Variants in SORCS1 observed in about 807,000 individuals in gnomAD.
SORCS1 encodes VPS10 domain-containing receptor SorCS1.
Under a neutral mutation model 146.1 loss-of-function variants are expected in SORCS1, and 60 were observed. The ratio of observed to expected loss-of-function variants is 0.41; its 90% confidence interval spans 0.33 to 0.51. SORCS1 has a LOEUF of 0.51. Among genes scored for constraint, SORCS1 ranks in the 20% least tolerant of loss-of-function variants. The pLI is 0.21. For synonymous variants in SORCS1, 637 were observed against 584.0 expected, an observed-to-expected ratio of 1.09 and a Z score of -1.31; for missense variants, 1,352 against 1,487.6, an observed-to-expected ratio of 0.91 and a Z score of 1.50.
intron 3 of SORCS1, among the ~76,000 whole-genome samples, chr10:106,801,809 C>T (rs1364291736): frequency 6.6e-6 from 1 of 152,224 alleles, no homozygotes; most frequent in Non-Finnish European, 1.5e-5. Flanking sequence ...GGATTACAGG[C>T]GTGAGCCACC....
Position 106,703,017 on chromosome 10 carries a change from A to G in SORCS1, c.1233+3528T>C, listed in dbSNP as rs189488072. ...GTTCTAAACCTTCAACACACCAGTG[A>G]GCTACTGTTACTCTCTAGGCAAGAA... On this transcript the variant is annotated intron_variant, in intron 8 of 25. Transcript: ENST00000263054. Among the ~76,000 whole-genome samples the G allele has an allele frequency of 2.8e-4, 43 of 152,316 alleles. 1 individual carries two copies. The East Asian group carries it at 7.9e-3, about 28-fold the overall frequency.
chr10:107,161,586 G>A (rs73385491), intron 1 of SORCS1, among the ~76,000 whole-genome samples: 5,618 of 151,930 alleles, frequency 0.037, 332 homozygotes, highest in African/African-American at 0.13. Context: ...CTTTAGAGAT[G>A]AAAAAATCCA....
chr10:106,995,999 C>A (rs917566296), intron 1 of SORCS1, among the ~76,000 whole-genome samples: 2 of 151,910 alleles, frequency 1.3e-5, no homozygotes, highest in South Asian at 2.1e-4. Context: ...GAGGCCGAAG[C>A]GGGTAGATCA....
intron 1 of SORCS1, among the ~76,000 whole-genome samples, chr10:107,099,162 G>A (rs1396779403): frequency 2.0e-5 from 3 of 152,210 alleles, no homozygotes; most frequent in Admixed American, 6.5e-5. Context: ...GAGTAGTAAA[G>A]TTGGGTTCAG....
At chr10:107,006,070 CTTTA>C (rs1466390357) in intron 1 of SORCS1, among the ~76,000 whole-genome samples, 2 of 152,186 alleles carry the variant, frequency 1.3e-5, no homozygotes, top group African/African-American at 2.4e-5. Flanking sequence ...AGCACAGCAG[CTTTA>C]TTTCTTTATG....
At chr10:106,677,565 T>C (rs2135537701) in intron 12 of SORCS1, among the ~76,000 whole-genome samples, 161 bp from the exon 13 acceptor site, 1 of 152,310 alleles carries the variant, frequency 6.6e-6, no homozygotes, top group Middle Eastern at 3.4e-3. Flanking sequence ...CTTCCCAACA[T>C]GGGCTATTAT....
At chr10:106,707,383 G>A (rs898064922) in intron 7 of SORCS1, among the ~76,000 whole-genome samples, 20 of 151,752 alleles carry the variant, frequency 1.3e-4, no homozygotes, top group African/African-American at 7.3e-5. Flanking sequence ...TAGAGATGGT[G>A]GGGGGGAGGG....
At chr10:107,156,314 G>A (rs1969279095) in intron 1 of SORCS1, among the ~76,000 whole-genome samples, 1 of 152,186 alleles carries the variant, frequency 6.6e-6, no homozygotes, top group Non-Finnish European at 1.5e-5. Flanking sequence ...TCTGCCACCT[G>A]CTAGCTGGGT....
intron 18 of SORCS1, among the ~76,000 whole-genome samples, chr10:106,629,826 A>G (rs1031372731): frequency 2.6e-5 from 4 of 152,312 alleles, no homozygotes; most frequent in Non-Finnish European, 5.9e-5. Flanking sequence ...CAGGCAGATC[A>G]CAAGGTCAAG....
chr10:106,993,551 C>A (rs11193149), intron 1 of SORCS1, among the ~76,000 whole-genome samples: 62,344 of 151,908 alleles, frequency 0.41, 15,188 homozygotes, highest in African/African-American at 0.69. Context: ...CTTTTAAAAA[C>A]TTATTTTCTT....
chr10:106,903,051 C>A (rs1326348783), intron 2 of SORCS1, among the ~76,000 whole-genome samples: 1 of 152,162 alleles, frequency 6.6e-6, no homozygotes, highest in Non-Finnish European at 1.5e-5. Flanking sequence ...GCACTCCATC[C>A]TGTGTGACAG....
intron 1 of SORCS1, among the ~76,000 whole-genome samples, chr10:106,969,778 G>C (rs959846901): frequency 1.1e-4 from 16 of 152,096 alleles, no homozygotes; most frequent in Admixed American, 5.2e-4. Flanking sequence ...TCTCCACCTG[G>C]AACAATCGAC....
chr10:106,583,983 C>G (rs1845075205), intron 24 of SORCS1, among the ~76,000 whole-genome samples: 1 of 152,188 alleles, frequency 6.6e-6, no homozygotes, highest in Non-Finnish European at 1.5e-5. Flanking sequence ...GACCCCGAAA[C>G]TTTCAACTCT....
At chr10:107,142,438 A>G (rs1348493866) in intron 1 of SORCS1, among the ~76,000 whole-genome samples, 1 of 152,230 alleles carries the variant, frequency 6.6e-6, no homozygotes, top group Non-Finnish European at 1.5e-5. Context: ...CTTCTCAAGT[A>G]CTAGTGTGAG....
rs146866027 is a variant in SORCS1 at position 107,086,575 on chromosome 10, T to C, written c.558+77394A>G. Among the ~76,000 whole-genome samples the C allele has an allele frequency of 1.7e-3, 258 of 152,380 alleles. 2 individuals carry two copies. Among genetic ancestry groups the C allele is most frequent in the African/African-American group, 5.4e-3 (223 of 41,592 alleles). ...CTTCGCCATTTATAGCTGTGGACTT[T>C]AGGCACATCTGAATTATCTCTTGGG... On this transcript the variant is annotated intron_variant, in intron 1 of 25. Coordinates refer to ENST00000263054, the MANE Select transcript of SORCS1 (RefSeq NM_052918.5).
At chr10:106,784,513 G>A (rs1945963632) in intron 3 of SORCS1, among the ~76,000 whole-genome samples, 3 of 151,776 alleles carry the variant, frequency 2.0e-5, no homozygotes, top group African/African-American at 2.4e-5. Flanking sequence ...GAGAATATTT[G>A]AGCCACCTTA....
At chr10:106,907,947 T>TCCC (rs1301483945) in intron 2 of SORCS1, among the ~76,000 whole-genome samples, 2 of 151,974 alleles carry the variant, frequency 1.3e-5, no homozygotes, top group East Asian at 3.9e-4. Context: ...AATACTGAAA[T>TCCC]TACTTTCTTG....
intron 1 of SORCS1, among the ~76,000 whole-genome samples, chr10:107,044,085 T>C (rs937974286): frequency 6.6e-6 from 1 of 152,144 alleles, no homozygotes; most frequent in African/African-American, 2.4e-5. Context: ...CTCTTCTCTA[T>C]CCTGCTGGAA....
chr10:106,834,418 T>C (rs564629668), intron 2 of SORCS1, among the ~76,000 whole-genome samples: 1 of 152,372 alleles, frequency 6.6e-6, no homozygotes, highest in South Asian at 2.1e-4. Flanking sequence ...TAATATACAT[T>C]GAACCTCTTA....
Sources: gnomAD v4.1 joint callset for allele counts (sites outside exome capture counted in the v4.1 genomes callset) on GRCh38, gnomAD v4.1.1 for gene constraint, MANE v1.5 for transcripts, NCBI Gene and HGNC (gene_info 2026-07-23, HGNC 2026-07-21) for gene names.